The following MYO16 variants were observed in gnomAD, a reference collection of about 807,000 sequenced individuals.
MYO16 encodes unconventional myosin-XVI.
Under a neutral mutation model 205.3 loss-of-function variants are expected in MYO16, and 94 were observed. That is an observed-to-expected ratio of 0.46 (90% CI 0.39 to 0.54). MYO16 has a LOEUF of 0.54. Among genes scored for constraint, MYO16 ranks in the 20% least tolerant of loss-of-function variants. The pLI is 0.00. For synonymous variants in MYO16, 988 were observed against 954.0 expected (o/e 1.04, Z -0.66); for missense variants, 2,315 against 2,387.5 (o/e 0.97, Z 0.63).
intron 34 of MYO16, among the ~76,000 whole-genome samples, chr13:109,203,713 A>T (rs917390788): frequency 2.0e-5 from 3 of 152,194 alleles, no homozygotes; most frequent in Admixed American, 2.0e-4. Context: ...CAAAATCCAG[A>T]AAATGTTTTA....
chr13:108,847,963 C>T (rs949885461), intron 10 of MYO16, among the ~76,000 whole-genome samples: 3 of 151,918 alleles, frequency 2.0e-5, no homozygotes, highest in Admixed American at 6.6e-5. Context: ...GTCTTCATTC[C>T]GTTTGGTGAA....
At chr13:108,725,708 A>G (rs752740972) in intron 3 of MYO16, among the ~76,000 whole-genome samples, 6 of 152,132 alleles carry the variant, frequency 3.9e-5, no homozygotes, top group Non-Finnish European at 5.9e-5. Flanking sequence ...ATCATTATTC[A>G]GCTGAGCACT....
At chr13:108,583,794 T>A in the MYO16 span, among the ~76,000 whole-genome samples, 6 of 152,202 alleles carry the variant, frequency 3.9e-5, no homozygotes, top group Non-Finnish European at 7.3e-5. Flanking sequence ...AGGAATTAAA[T>A]CCACCTTCAA....
At chr13:108,971,391 T>C (rs1336171515) in intron 20 of MYO16, among the ~76,000 whole-genome samples, 2 of 148,554 alleles carry the variant, frequency 1.3e-5, no homozygotes, top group Non-Finnish European at 3.0e-5. Flanking sequence ...ATAATCTACA[T>C]GTATGTGGAT....
intron 32 of MYO16, among the ~76,000 whole-genome samples, chr13:109,159,844 G>A (rs964148650): frequency 8.5e-5 from 13 of 152,372 alleles, no homozygotes; most frequent in East Asian, 5.8e-4. Context: ...GGCCTAAGGC[G>A]TGTAAGGGGG....
chr13:109,001,769 T>C (rs1011189774), intron 21 of MYO16, among the ~76,000 whole-genome samples: 10 of 152,144 alleles, frequency 6.6e-5, no homozygotes, highest in Non-Finnish European at 8.8e-5. Context: ...AAAGAAGTCC[T>C]GCAGAGAAGC....
At chr13:108,760,253 T>C (rs564844756) in intron 4 of MYO16, among the ~76,000 whole-genome samples, 130 of 152,372 alleles carry the variant, frequency 8.5e-4, no homozygotes, top group African/African-American at 3.1e-3. Flanking sequence ...GACCTATTTC[T>C]CACAGCTCCT....
At chr13:109,132,439 GTCTTT>G (rs1284622499) in intron 31 of MYO16, among the ~76,000 whole-genome samples, 2 of 152,204 alleles carry the variant, frequency 1.3e-5, no homozygotes, top group African/African-American at 4.8e-5. Flanking sequence ...GAAATAATAT[GTCTTT>G]TCTTTACTCT....
At chr13:109,158,932 T>C (rs1878220622) in intron 32 of MYO16, among the ~76,000 whole-genome samples, 1 of 152,236 alleles carries the variant, frequency 6.6e-6, no homozygotes, top group South Asian at 2.1e-4. Flanking sequence ...TAACTACGGG[T>C]CAACCCACTG....
chr13:109,041,703 A>G (rs1023332101), intron 23 of MYO16, among the ~76,000 whole-genome samples: 4 of 152,214 alleles, frequency 2.6e-5, no homozygotes, highest in Admixed American at 2.0e-4. Flanking sequence ...AGTAAAGAGT[A>G]CACAAGATTT....
chr13:108,608,882 G>C (rs1879065368), intron 1 of MYO16, among the ~76,000 whole-genome samples: 1 of 152,148 alleles, frequency 6.6e-6, no homozygotes, highest in Admixed American at 6.5e-5. Context: ...GACCTCAGGG[G>C]ATCCACCTGC....
chr13:108,886,473 T>G (rs1594370512), intron 13 of MYO16: 1 of 455,072 alleles, frequency 2.2e-6, no homozygotes, highest in South Asian at 1.6e-5. Context: ...GTAAGTGGAG[T>G]AGAATTTATT....
intron 4 of MYO16, among the ~76,000 whole-genome samples, chr13:108,755,390 A>G (rs1435878048): frequency 6.6e-6 from 1 of 152,114 alleles, no homozygotes; most frequent in Non-Finnish European, 1.5e-5. Context: ...AACTACTAAA[A>G]GGTTTCATTT....
At chr13:108,526,129 T>C in the MYO16 span, among the ~76,000 whole-genome samples, 1 of 152,208 alleles carries the variant, frequency 6.6e-6, no homozygotes, top group Non-Finnish European at 1.5e-5. Flanking sequence ...CTATTCTTTT[T>C]CTTGGAAGCA....
At chr13:109,138,419 A>C (rs1322612438) in intron 31 of MYO16, among the ~76,000 whole-genome samples, 2 of 152,228 alleles carry the variant, frequency 1.3e-5, no homozygotes, top group Non-Finnish European at 2.9e-5. Flanking sequence ...ATATTTATTT[A>C]ATAAAACATT....
the MYO16 span, among the ~76,000 whole-genome samples, chr13:108,536,758 T>C: frequency 9.2e-5 from 14 of 152,254 alleles, no homozygotes; most frequent in Admixed American, 3.3e-4. Flanking sequence ...AAATAAGATA[T>C]GTCTATACAA....
chr13:108,932,388 T>TCAC (rs1882294515), intron 16 of MYO16, among the ~76,000 whole-genome samples: 2 of 152,224 alleles, frequency 1.3e-5, no homozygotes, highest in South Asian at 2.1e-4. Context: ...TGTGACTTGG[T>TCAC]ATTCCTCATT....
At chr13:108,665,153 C>T (rs1881668726) in intron 1 of MYO16, among the ~76,000 whole-genome samples, 1 of 152,134 alleles carries the variant, frequency 6.6e-6, no homozygotes, top group East Asian at 1.9e-4. Context: ...TGGTGCAATC[C>T]TAGCTCACTG....
At chr13:108,528,335 C>T in the MYO16 span, among the ~76,000 whole-genome samples, 1 of 152,032 alleles carries the variant, frequency 6.6e-6, no homozygotes, top group Non-Finnish European at 1.5e-5. Context: ...TAACTTAGGG[C>T]TATTTATCTG....
Sources: gnomAD v4.1 joint callset for allele counts (sites outside exome capture counted in the v4.1 genomes callset) on GRCh38, gnomAD v4.1.1 for gene constraint, MANE v1.5 for transcripts, NCBI Gene and HGNC (gene_info 2026-07-23, HGNC 2026-07-21) for gene names.